Variants in XKR9 observed in about 807,000 individuals in gnomAD.
XKR9 encodes XK related 9, also known as XK-related protein 9.
In XKR9, 32 loss-of-function variants were observed where a neutral mutation model predicts 32.0. The observed-to-expected ratio is 1.00, with a 90% confidence interval of 0.76 to 1.34. XKR9 has a LOEUF of 1.34. Ranked by LOEUF, XKR9 falls within the 40% of genes most tolerant of loss-of-function variation. The probability of loss-of-function intolerance (pLI) is 0.00; values close to 1 mark genes in which losing one functional copy is unlikely to be tolerated. For synonymous variants in XKR9, 168 were observed against 143.4 expected, an observed-to-expected ratio of 1.17 and a Z score of -1.22; for missense variants, 546 against 429.7, an observed-to-expected ratio of 1.27 and a Z score of -2.39.
At chr8:70,749,109 G>A (rs1227152731) in intron 2 of XKR9, among the ~76,000 whole-genome samples, 1 of 152,196 alleles carries the variant, frequency 6.6e-6, no homozygotes, top group Non-Finnish European at 1.5e-5. Flanking sequence ...GCTACCCAAA[G>A]GAGTGACCCA....
downstream of XKR9, among the ~76,000 whole-genome samples, chr8:70,736,644 A>G (rs200155386): frequency 1.3e-5 from 2 of 151,894 alleles, no homozygotes; most frequent in Non-Finnish European, 2.9e-5. Flanking sequence ...TAACTTTTGT[A>G]TAAGGTGTAA....
intron 4 of XKR9, among the ~76,000 whole-genome samples, chr8:70,709,889 A>C (rs1310476830): frequency 6.6e-6 from 1 of 152,234 alleles, no homozygotes; most frequent in Non-Finnish European, 1.5e-5. Flanking sequence ...AGCAATGTAC[A>C]GATTCAGTGC....
Position 70,685,886 on chromosome 8 carries a change from A to C in XKR9, c.272+4556A>C, listed in dbSNP as rs915141822. Among the ~76,000 whole-genome samples, 9 of 151,772 alleles carry C rather than the reference A, an allele frequency of 5.9e-5. No individual in the cohort carries two copies. The East Asian group carries it at 1.7e-3, about 29-fold the overall frequency. ...GTACTCTAAAACTTAAAGTATAATA[A>C]TAAAATAAAAAAAATTATATTTAAA... On this transcript the variant is annotated intron_variant, in intron 3 of 4. Coordinates refer to ENST00000408926, the MANE Select transcript of XKR9 (RefSeq NM_001011720.2).
chr8:70,734,467 T>C lies in XKR9; in HGVS notation c.*43T>C, dbSNP rs765470942. ...TATATTTTCTTATATTTTGTTTCAT[T>C]GGTTAGTAAAGAAAATGTGTGTTAT... On this transcript the variant is annotated 3_prime_UTR_variant, in exon 5 of 5. Transcript: ENST00000408926. The C allele has an allele frequency of 1.4e-6, 2 of 1,451,794 alleles. No individual in the cohort carries two copies. The highest frequency in any genetic ancestry group is 3.1e-5 in the South Asian group (2 of 63,804). 89.9% of individuals were successfully genotyped at this position (1,451,794 alleles called of 1,614,324 possible). A position where few individuals can be genotyped will look rare whatever the true frequency, so the allele number is the denominator to read the frequency against.
chr8:71,038,352 G>A, the XKR9 span, among the ~76,000 whole-genome samples: 4 of 119,208 alleles, frequency 3.4e-5, no homozygotes, highest in Admixed American at 2.2e-4. Flanking sequence ...ACACAGTCTC[G>A]CTCCATCACC....
chr8:70,850,538 A>G, the XKR9 span, among the ~76,000 whole-genome samples: 10 of 152,092 alleles, frequency 6.6e-5, no homozygotes, highest in South Asian at 8.3e-4. Context: ...AAAATCCTCA[A>G]TGAAAAACTG....
At chr8:70,669,625 TGTGTGTGTGTGTGTA>T (rs1047076874) in intron 1 of XKR9, 87 bp downstream of exon 1, 14 of 110,718 alleles carry the variant, frequency 1.3e-4, no homozygotes, top group African/African-American at 5.0e-4. Flanking sequence ...TGTGTGTGTG[TGTGTGTGTGTGTGTA>T]GTAGTAGTAG....
intron 2 of XKR9, among the ~76,000 whole-genome samples, chr8:70,744,323 T>C (rs1807028298): frequency 6.7e-6 from 1 of 150,088 alleles, no homozygotes; most frequent in Non-Finnish European, 1.5e-5. Context: ...AAAAAAAAAA[T>C]CTTTCTGTAA....
chr8:70,922,151 C>T, the XKR9 span, among the ~76,000 whole-genome samples: 3 of 152,166 alleles, frequency 2.0e-5, no homozygotes, highest in Non-Finnish European at 4.4e-5. Flanking sequence ...GAGGAATAAC[C>T]ACATCCTACC....
the XKR9 span, among the ~76,000 whole-genome samples, chr8:70,917,234 C>G: frequency 6.6e-6 from 1 of 152,114 alleles, no homozygotes. Context: ...CAAATAATAC[C>G]TTTTCTGAAA....
intron 2 of XKR9, among the ~76,000 whole-genome samples, chr8:70,756,682 A>T (rs1459288336): frequency 6.6e-6 from 1 of 152,228 alleles, no homozygotes; most frequent in Admixed American, 6.5e-5. Context: ...ATGTATAGAC[A>T]TACTATTGAT....
At chr8:70,854,212 C>G in the XKR9 span, among the ~76,000 whole-genome samples, 1 of 152,082 alleles carries the variant, frequency 6.6e-6, no homozygotes, top group Non-Finnish European at 1.5e-5. Flanking sequence ...TTTTAATGAT[C>G]GGCATTCTAA....
At chr8:70,696,551 TTGGTAC>T in intron 3 of XKR9, among the ~76,000 whole-genome samples, 1 of 149,842 alleles carries the variant, frequency 6.7e-6, no homozygotes, top group Middle Eastern at 3.4e-3. Context: ...TATCTCTGTT[TTGGTAC>T]CAGTACCATG....
chr8:70,732,333 A>G (rs1022461492), intron 4 of XKR9, among the ~76,000 whole-genome samples: 3 of 152,258 alleles, frequency 2.0e-5, no homozygotes, highest in Non-Finnish European at 4.4e-5. Context: ...AGGGGGCTAC[A>G]GTTACGGGAT....
chr8:70,837,987 T>G, the XKR9 span, among the ~76,000 whole-genome samples: 2 of 152,132 alleles, frequency 1.3e-5, no homozygotes, highest in Non-Finnish European at 2.9e-5. Context: ...ACTTAAGGCT[T>G]GAAATCTTGA....
the XKR9 span, among the ~76,000 whole-genome samples, chr8:70,901,687 G>A: frequency 1.3e-5 from 2 of 152,138 alleles, no homozygotes; most frequent in African/African-American, 4.8e-5. Flanking sequence ...TGTCAATTTT[G>A]TCTTTTGTTG....
chr8:70,987,438 G>A, the XKR9 span, among the ~76,000 whole-genome samples: 3,200 of 152,344 alleles, frequency 0.021, 96 homozygotes, highest in African/African-American at 0.074. Context: ...AGGGGCTATA[G>A]AGCCCATGAA....
chr8:71,057,299 A>C, the XKR9 span, among the ~76,000 whole-genome samples: 45,049 of 152,024 alleles, frequency 0.3, 8,635 homozygotes, highest in Non-Finnish European at 0.43. Context: ...GTTCATCCAC[A>C]GAACTGTCAT....
At chr8:70,716,247 A>C (rs1207636867) in intron 4 of XKR9, among the ~76,000 whole-genome samples, 3 of 152,208 alleles carry the variant, frequency 2.0e-5, no homozygotes, top group Non-Finnish European at 4.4e-5. Context: ...TCCAGGAATA[A>C]TGAAATATTT....
Sources: gnomAD v4.1 joint callset for allele counts (sites outside exome capture counted in the v4.1 genomes callset) on GRCh38, gnomAD v4.1.1 for gene constraint, MANE v1.5 for transcripts, NCBI Gene and HGNC (gene_info 2026-07-23, HGNC 2026-07-21) for gene names.